SPDYE3: variants seen among roughly 807,000 people sequenced by gnomAD.
SPDYE3 encodes speedy/RINGO cell cycle regulator family member E3.
In SPDYE3, 15 loss-of-function variants were observed where a neutral mutation model predicts 55.0. The observed-to-expected ratio is 0.27, with a 90% CI of 0.18 to 0.42. The LOEUF is 0.42. Among genes scored for constraint, SPDYE3 ranks in the 10% least tolerant of loss-of-function variants. The pLI is 1.00. For synonymous variants in SPDYE3, 89 were observed against 229.9 expected, an observed-to-expected ratio of 0.39 and a Z score of 5.55; for missense variants, 236 against 576.7, an observed-to-expected ratio of 0.41 and a Z score of 6.05.
Position 100,315,760 on chromosome 7 carries a change from G to A in SPDYE3, c.1202-25G>A, listed in dbSNP as rs367793976. The A allele has an allele frequency of 1.4e-5, 23 of 1,597,962 alleles. 1 individual carries two copies. Among genetic ancestry groups the A allele is most frequent in the East Asian group, 1.1e-4 (5 of 44,890 alleles). On this transcript the variant is annotated intron_variant, in intron 6 of 10. Transcript: ENST00000332397. The stretch of plus-strand genomic sequence containing the variant: ...ATGGAAACCCTGTCCTGCTTCTCAC[G>A]CTGACATCTGCTCTCTAATCACAGA...
intron 6 of SPDYE3, 73 bp from the exon 7 acceptor site, chr7:100,315,712 C>T: frequency 1.6e-5 from 26 of 1,595,478 alleles, no homozygotes; most frequent in East Asian, 2.2e-5. Context: ...AGGCACACTT[C>T]TCCTCACTGC....
At chr7:100,319,087 T>C (rs888860944) in intron 8 of SPDYE3, among the ~76,000 whole-genome samples, 1 of 151,964 alleles carries the variant, frequency 6.6e-6, no homozygotes, top group African/African-American at 2.4e-5. Context: ...ATTTTTGTAT[T>C]TTTAGCATAA....
In SPDYE3 at chr7:100,308,995, C is replaced by T. The variant is rs1460418890; in HGVS notation, c.128C>T (p.Pro43Leu). ...GPSAPGVDPS[P>L]PRRSLGCKRK... ...TCAGCCCCTGGGGTAGATCCCAGCCCCCCACGTAGGTCCCTTGGCTGCAAA... is the reference window on the plus strand; with the variant it reads ...TCAGCCCCTGGGGTAGATCCCAGCCTCCCACGTAGGTCCCTTGGCTGCAAA... Residue 43 changes from proline (P) to leucine (L), a missense_variant, in exon 2 of 11, where the codon CCC becomes CTC. Coordinates refer to ENST00000332397, the MANE Select transcript of SPDYE3 (RefSeq NM_001004351.5). The T allele has an allele frequency of 8.7e-6, 5 of 576,156 alleles. No individual in the cohort carries two copies. The highest frequency in any genetic ancestry group is 6.9e-5 in the African/African-American group (3 of 43,650). 35.7% of individuals were successfully genotyped at this position (576,156 alleles called of 1,614,324 possible).
At chr7:100,318,019 T>G (rs1385378718) in intron 8 of SPDYE3, among the ~76,000 whole-genome samples, 2 of 143,940 alleles carry the variant, frequency 1.4e-5, no homozygotes, top group African/African-American at 5.2e-5. Flanking sequence ...AAAGGAACCA[T>G]GAACCGCTCC....
chr7:100,312,412 G>A (rs1805984206), intron 4 of SPDYE3, among the ~76,000 whole-genome samples: 1 of 143,514 alleles, frequency 7.0e-6, no homozygotes, highest in African/African-American at 2.7e-5. Context: ...CAGGAGAATC[G>A]CTTGAGCCTG....
rs1330196923 is a variant in SPDYE3, at chr7:100,315,908, T to C, written c.1260+65T>C. On this transcript the variant is annotated intron_variant, in intron 7 of 10. Coordinates refer to ENST00000332397, the MANE Select transcript of SPDYE3 (RefSeq NM_001004351.5). ...GCACGGCCAGGGGGAGGGCGCAGCT[T>C]CCAAACCCACAGTTCTCCCTCCACC... is the stretch of plus-strand genomic sequence containing the variant. 4.3e-5 allele frequency: 69 copies of C among 1,594,556 alleles called. No individual in the cohort carries two copies. The Admixed American group carries it at 8.5e-4, about 20-fold the overall frequency.
In SPDYE3 at chr7:100,319,687, G is replaced by A. The variant is rs541094130; in HGVS notation, c.1469G>A (p.Arg490His). ...CCTAAGCATTGGTTCCAGTTATGCC[G>A]TCCCATGAACCCGAGGGCCAGGAAG... Reference protein sequence around the residue: ...LRPKHWFQLCRPMNPRARKNC... With the variant: ...LRPKHWFQLCHPMNPRARKNC... The change falls in exon 9 of 11, where the codon CGT becomes CAT. Residue 490 changes from arginine (R) to histidine (H), a missense_variant. Physicochemically the swap from Arg to His is conservative, Grantham distance 29 (BLOSUM62 0). Coordinates refer to ENST00000332397, the MANE Select transcript of SPDYE3 (RefSeq NM_001004351.5). The A allele has an allele frequency of 1.4e-5, 23 of 1,614,202 alleles. No individual in the cohort carries two copies. The East Asian group carries it at 2.2e-4, about 16-fold the overall frequency.
At chr7:100,320,356 A>G (rs1789553213) in intron 10 of SPDYE3, 1 of 1,074,784 alleles carries the variant, frequency 9.3e-7, no homozygotes, top group Non-Finnish European at 1.2e-6. Flanking sequence ...GAGGTTCTTT[A>G]TGATTGATGC....
At chr7:100,308,626 T>C (rs1293906675) in intron 1 of SPDYE3, among the ~76,000 whole-genome samples, 15 of 151,222 alleles carry the variant, frequency 9.9e-5, no homozygotes, top group Admixed American at 6.6e-4. Flanking sequence ...GGAGAATAAC[T>C]GGAATCCGGG....
rs1789593293 is a variant in SPDYE3 at position 100,322,183 on chromosome 7, T to C, written c.*1338T>C. ...CCTAAATTCTTGTAAAAATAAATTT[T>C]TATTTGATATTTAGTGTATGTTTGA... On this transcript the variant is annotated 3_prime_UTR_variant, in exon 11 of 11. Coordinates refer to ENST00000332397, the MANE Select transcript of SPDYE3 (RefSeq NM_001004351.5). 8 of 152,116 alleles carry C rather than the reference T, an allele frequency of 5.3e-5. No individual in the cohort carries two copies. In the South Asian group the frequency reaches 1.7e-3, roughly 32 times the overall value. The allele number at this position is 152,116 out of a possible 1,614,324, so 9.4% of individuals were successfully genotyped here.
At position 100,319,592 on chromosome 7, in the gene SPDYE3, C is replaced by T. The variant is rs369416689; in HGVS notation, c.1374C>T (p.Asp458=). The part of the protein sequence containing the change: ...ALYLANDMEE[D]DEAPKQKIFY... Reference sequence around the variant, plus strand: ...ATCTGGCCAATGACATGGAGGAGGACGACGAGGCCCCCAAACAAAAGATCT... The same window carrying T: ...ATCTGGCCAATGACATGGAGGAGGATGACGAGGCCCCCAAACAAAAGATCT... The change falls in exon 9 of 11, where the codon GAC becomes GAT. Residue 458 remains aspartate (D), a synonymous_variant. Coordinates refer to ENST00000332397, the MANE Select transcript of SPDYE3 (RefSeq NM_001004351.5). 45 of 1,614,060 alleles carry T rather than the reference C, an allele frequency of 2.8e-5. No individual in the cohort carries two copies. The African/African-American group carries it at 3.3e-4, about 12-fold the overall frequency.
chr7:100,318,291 G>A (rs913974844), intron 8 of SPDYE3, among the ~76,000 whole-genome samples: 2 of 152,182 alleles, frequency 1.3e-5, no homozygotes, highest in African/African-American at 2.4e-5. Flanking sequence ...TCCAAAGCAC[G>A]ACAACCTCAC....
At chr7:100,309,823 A>C (rs1805918415) in intron 2 of SPDYE3, among the ~76,000 whole-genome samples, 1 of 148,436 alleles carries the variant, frequency 6.7e-6, no homozygotes, top group Admixed American at 6.7e-5. Flanking sequence ...GGCTGGGTGC[A>C]GTGGCTCACA....
Position 100,307,896 on chromosome 7 carries a change from A to G in SPDYE3, c.11A>G (p.His4Arg). The G allele has an allele frequency of 1.3e-6, 2 of 1,584,730 alleles. No homozygotes were observed. The highest frequency in any genetic ancestry group is 1.7e-6 in the Non-Finnish European group (2 of 1,173,732). Residue 4 changes from histidine to arginine, a missense_variant, in exon 1 of 11, where the codon CAT (histidine) becomes CGT (arginine). Coordinates refer to ENST00000332397, the MANE Select transcript of SPDYE3 (RefSeq NM_001004351.5). MTS[H>R]QPQPQEEQSP... ...ATTTTGGGAAAGATCATGACGAGCC[A>G]TCAACCGCAGCCCCAGGAAGAGCAG...
chr7:100,322,037 C>T lies in SPDYE3; in HGVS notation c.*1192C>T, dbSNP rs1789590875. On this transcript the variant is annotated 3_prime_UTR_variant, in exon 11 of 11. Coordinates refer to ENST00000332397, the MANE Select transcript of SPDYE3 (RefSeq NM_001004351.5). ...TTTTTAAGAGAGGATTCTTTTTATC[C>T]TAAATCTTTTACCTTTCAATCTTTG... 6.6e-6 allele frequency: 1 copy of T among 151,514 alleles called. No individual in the cohort carries two copies. The highest frequency in any genetic ancestry group is 1.5e-5 in the Non-Finnish European group (1 of 67,922). The allele number at this position is 151,514 out of a possible 1,614,324, so 9.4% of individuals were successfully genotyped here.
chr7:100,316,450 A>G (rs1002982779), intron 7 of SPDYE3, among the ~76,000 whole-genome samples: 3 of 152,140 alleles, frequency 2.0e-5, no homozygotes, highest in African/African-American at 7.2e-5. Flanking sequence ...ACCATGCTCA[A>G]CGAATTTTTG....
In SPDYE3 at chr7:100,319,621, ACTTC is replaced by A. The variant is rs1223492909; in HGVS notation, c.1406_1409del (p.Phe469CysfsTer23). The A allele has an allele frequency of 1.2e-6, 2 of 1,614,226 alleles. No individual in the cohort carries two copies. The highest frequency in any genetic ancestry group is 3.3e-5 in the Admixed American group (2 of 60,024). ...GAGGCCCCCAAACAAAAGATCTTCT[ACTTC>A]CTGTACGGGAAGACCCACTCTCACA... is the stretch of plus-strand genomic sequence containing the variant. On this transcript the variant is annotated frameshift_variant, in exon 9 of 11. Transcript: ENST00000332397. LOFTEE classifies it high-confidence loss of function.
chr7:100,318,887 G>GTTATTTATTTATTTATTTAT (rs201381694), intron 8 of SPDYE3, among the ~76,000 whole-genome samples: 1 of 140,670 alleles, frequency 7.1e-6, no homozygotes, highest in African/African-American at 2.8e-5. Context: ...CACCTGGACA[G>GTTATTTATTTATTTATTTAT]TTATTTATTT....
rs1273463209 is a variant in SPDYE3 at position 100,320,905 on chromosome 7, G to C, written c.*60G>C. 2 of 1,232,670 alleles carry C rather than the reference G, an allele frequency of 1.6e-6. No individual in the cohort carries two copies. Among genetic ancestry groups the C allele is most frequent in the African/African-American group, 3.1e-5 (2 of 64,966 alleles). 76.4% of individuals were successfully genotyped at this position (1,232,670 alleles called of 1,614,324 possible). ...CTCACTTCCAGAACACCGGACCCAG[G>C]GGAGATGTGGATTTTCAGCAGGAAC... is the stretch of plus-strand genomic sequence containing the variant. On this transcript the variant is annotated 3_prime_UTR_variant, in exon 11 of 11. Coordinates refer to ENST00000332397, the MANE Select transcript of SPDYE3 (RefSeq NM_001004351.5).
Sources: allele counts gnomAD v4.1 joint callset (sites outside exome capture counted in the v4.1 genomes callset), GRCh38; gene constraint gnomAD v4.1.1; transcripts MANE v1.5; gene names NCBI Gene and HGNC (gene_info 2026-07-23, HGNC 2026-07-21).